Variants in ETS1 observed in about 807,000 individuals in gnomAD.
ETS1 encodes the protein protein C-ets-1.
ETS1 carries 15 observed loss-of-function variants against 58.6 expected under a neutral mutation model. The observed-to-expected ratio is 0.26, with a 90% confidence interval of 0.17 to 0.39. The LOEUF is 0.39. Among genes scored for constraint, ETS1 ranks in the 10% least tolerant of loss-of-function variants. The pLI is 1.00. For synonymous variants in ETS1, 214 were observed against 218.2 expected (o/e 0.98, Z 0.17); for missense variants, 417 against 610.5 (o/e 0.68, Z 3.34).
chr11:128,489,212 C>T, intron 5 of ETS1, 78 bp downstream of exon 5: 1 of 1,258,152 alleles, frequency 7.9e-7, no homozygotes, highest in Admixed American at 1.7e-5. Context: ...ATTGACGTCC[C>T]ACCATTGGGT....
At chr11:128,567,774 A>T (rs527484634) in intron 2 of ETS1, among the ~76,000 whole-genome samples, 1 of 152,270 alleles carries the variant, frequency 6.6e-6, no homozygotes, top group African/African-American at 2.4e-5. Flanking sequence ...CTGGAATTAC[A>T]GGCGTCCAAT....
rs78045237 is a variant in ETS1 at position 128,576,611 on chromosome 11, G to A, written c.-14-3467C>T. Among the ~76,000 whole-genome samples, 1,389 of 152,132 alleles carry A rather than the reference G, an allele frequency of 9.1e-3. 20 individuals are homozygous for A. The highest frequency in any genetic ancestry group is 0.033 in the African/African-American group (1,348 of 41,466). On this transcript the variant is annotated intron_variant, in intron 1 of 9. Transcript: ENST00000392668. ...TTTATTTTTCTTGAAAAGGACCTGC[G>A]CCACCTGAGCCGCAGGATAAGTGGG...
intron 8 of ETS1, among the ~76,000 whole-genome samples, chr11:128,475,042 A>G (rs1380655487): frequency 6.6e-6 from 1 of 152,240 alleles, no homozygotes; most frequent in Non-Finnish European, 1.5e-5. Flanking sequence ...ACATGGAGAG[A>G]CTTTAGATTC....
intron 1 of ETS1, among the ~76,000 whole-genome samples, chr11:128,578,223 G>A (rs1435952454): frequency 2.0e-5 from 3 of 152,148 alleles, no homozygotes; most frequent in East Asian, 3.9e-4. Context: ...GGCAGGGCAG[G>A]TTGAGAGACA....
chr11:128,562,474 C>T (rs1864419611), intron 2 of ETS1, among the ~76,000 whole-genome samples: 1 of 152,090 alleles, frequency 6.6e-6, no homozygotes. Flanking sequence ...TTCCCCTGGG[C>T]ATCTTAGGAA....
chr11:128,488,139 G>A (rs754290579), intron 5 of ETS1, among the ~76,000 whole-genome samples: 11 of 152,142 alleles, frequency 7.2e-5, no homozygotes, highest in African/African-American at 1.4e-4. Context: ...CTGCCGTATC[G>A]TTTCCCTCTA....
intron 2 of ETS1, among the ~76,000 whole-genome samples, chr11:128,559,199 T>G (rs1023497487): frequency 3.9e-5 from 6 of 152,150 alleles, no homozygotes; most frequent in African/African-American, 1.4e-4. Context: ...AAAGTTTGGG[T>G]TTTGTCTGCT....
rs905164749 is a variant in ETS1 at position 128,549,355 on chromosome 11, G to A, written c.214+6936C>T. On this transcript the variant is annotated intron_variant, in intron 3 of 9. Coordinates refer to ENST00000392668, the MANE Select transcript of ETS1 (RefSeq NM_001143820.2). The surrounding 1 kb of genome is among the most constrained non-coding windows in gnomAD (Gnocchi z 4.3). ...AAGATGTCCATTCACCCAGTGCCGC[G>A]GCCGGAGCCGAGCGGGGCCTGACGC... is the stretch of plus-strand genomic sequence containing the variant. Among the ~76,000 whole-genome samples the A allele has an allele frequency of 4.3e-4, 65 of 151,994 alleles. 1 individual carries two copies. Among genetic ancestry groups the A allele is most frequent in the Admixed American group, 3.0e-3 (46 of 15,274 alleles).
intron 3 of ETS1, among the ~76,000 whole-genome samples, chr11:128,501,353 T>G (rs1268331783): frequency 6.6e-6 from 1 of 152,214 alleles, no homozygotes; most frequent in Non-Finnish European, 1.5e-5. Flanking sequence ...ACAGCCTAAC[T>G]ACAAAAGCCA....
Position 128,543,422 on chromosome 11 carries a change from TG to T in ETS1, c.214+12868del, listed in dbSNP as rs1167332554. Reference sequence around the variant, plus strand: ...CAGGGAAAAATGATCACTCTCTACCTGCCCATTCTGACATAGACATTGGGAA... The same window carrying T: ...CAGGGAAAAATGATCACTCTCTACCTCCCATTCTGACATAGACATTGGGAA... On this transcript the variant is annotated intron_variant, in intron 3 of 9. Transcript: ENST00000392668. 3.9e-5 allele frequency among the ~76,000 whole-genome samples: 6 copies of T among 152,148 alleles called. No homozygotes were observed. The East Asian group carries it at 1.2e-3, about 29-fold the overall frequency.
rs763032581 is a variant in ETS1 at position 128,556,289 on chromosome 11, A to C, written c.214+2T>G. The stretch of plus-strand genomic sequence containing the variant: ...ATTCCCAGCTTTTGTTTATGTTCCT[A>C]CCTGAGACACAGTGTTCAAGACCAG... On this transcript the variant is annotated splice_donor_variant, in intron 3 of 9. Transcript: ENST00000392668. LOFTEE classifies it high-confidence loss of function. The C allele has an allele frequency of 6.2e-7, 1 of 1,607,496 alleles. No individual in the cohort carries two copies. The highest frequency in any genetic ancestry group is 1.1e-5 in the South Asian group (1 of 89,960).
intron 3 of ETS1, among the ~76,000 whole-genome samples, chr11:128,534,630 C>T (rs4937343): frequency 0.93 from 141,107 of 152,206 alleles, 65,534 homozygotes; most frequent in African/African-American, 0.98. Flanking sequence ...CCTGTGTCCA[C>T]GTGTTCTCAT....
chr11:128,572,367 G>GT (rs1864655112), intron 2 of ETS1: 1 of 151,898 alleles, frequency 6.6e-6, no homozygotes, highest in African/African-American at 2.4e-5. Flanking sequence ...GAATAAAAAC[G>GT]TAACAGAATT....
At chr11:128,467,853 T>C (rs2135416982) in intron 8 of ETS1, among the ~76,000 whole-genome samples, 2 of 151,704 alleles carry the variant, frequency 1.3e-5, no homozygotes, top group African/African-American at 4.8e-5. Flanking sequence ...TAGAAGGAGG[T>C]CTCTTTCCAG....
chr11:128,560,412 C>A (rs1000212773), intron 2 of ETS1, among the ~76,000 whole-genome samples: 1 of 152,186 alleles, frequency 6.6e-6, no homozygotes, highest in African/African-American at 2.4e-5. Context: ...CGCGCCCGGC[C>A]GAGATGGTCA....
intron 3 of ETS1, among the ~76,000 whole-genome samples, chr11:128,524,299 G>A (rs1305074548): frequency 2.0e-5 from 3 of 152,108 alleles, no homozygotes; most frequent in African/African-American, 4.8e-5. Context: ...TCAATCATCC[G>A]TTTCCTAATC....
chr11:128,511,334 C>A (rs1262009826), intron 3 of ETS1, among the ~76,000 whole-genome samples: 1 of 152,164 alleles, frequency 6.6e-6, no homozygotes, highest in African/African-American at 2.4e-5. Flanking sequence ...AAATGTATTT[C>A]TCAAAGTCCA....
chr11:128,522,492 G>T, intron 3 of ETS1: 1 of 340,472 alleles, frequency 2.9e-6, no homozygotes, highest in Non-Finnish European at 4.2e-6. Context: ...GAGCACCGCG[G>T]CCAATCTCCG....
At position 128,484,866 on chromosome 11, in the gene ETS1, T is replaced by C. The variant is rs769169831; in HGVS notation, c.819A>G (p.Glu273=). ...TGCACATGTTGTCTGGGGTGACGAC[T>C]TCTTGTTTGATAGCAAAGTAGTCAT... is the stretch of plus-strand genomic sequence containing the variant. ...LQNDYFAIKQ[E]VVTPDNMCMG... Residue 273 remains glutamate (E), a synonymous_variant, in exon 7 of 10, where the codon GAA becomes GAG. Coordinates refer to ENST00000392668, the MANE Select transcript of ETS1 (RefSeq NM_001143820.2). 2 of 1,614,112 alleles carry C rather than the reference T, an allele frequency of 1.2e-6. No homozygotes were observed. The highest frequency in any genetic ancestry group is 1.7e-6 in the Non-Finnish European group (2 of 1,180,000).
Sources: allele counts gnomAD v4.1 joint callset (sites outside exome capture counted in the v4.1 genomes callset), GRCh38; gene constraint gnomAD v4.1.1; non-coding constraint Gnocchi (gnomAD v3.1); transcripts MANE v1.5; gene names NCBI Gene and HGNC (gene_info 2026-07-23, HGNC 2026-07-21).